The following EBF2 variants were observed in gnomAD, a reference collection of about 807,000 sequenced individuals.
The protein encoded by EBF2 is EBF transcription factor 2, also known as transcription factor COE2.
EBF2 carries 21 observed loss-of-function variants against 72.8 expected under a neutral mutation model. The observed-to-expected ratio is 0.29, with a 90% CI of 0.20 to 0.42. The LOEUF is 0.42. EBF2 is among the 10% of genes least tolerant of loss of function. EBF2 has a pLI of 1.00. For missense variants in EBF2, 637 were observed against 731.2 expected (o/e 0.87, Z 1.49); for synonymous variants, 299 against 274.2 (o/e 1.09, Z -0.89).
rs188295597 is a variant in EBF2, at chr8:26,038,219, G to C, written c.482+1809C>G. Among the ~76,000 whole-genome samples, 254 of 152,316 alleles carry C rather than the reference G, an allele frequency of 1.7e-3. 3 individuals carry two copies. Among genetic ancestry groups the C allele is most frequent in the African/African-American group, 5.8e-3 (242 of 41,574 alleles). On this transcript the variant is annotated intron_variant, in intron 5 of 15. Coordinates refer to ENST00000520164, the MANE Select transcript of EBF2 (RefSeq NM_022659.4). ...TGCTGCAGACAGTATCCATCCAATG[G>C]ATCATTTATTTACACATAATTAATA...
At chr8:25,974,394 CTG>C (rs1804235047) in intron 6 of EBF2, among the ~76,000 whole-genome samples, 1 of 152,220 alleles carries the variant, frequency 6.6e-6, no homozygotes, top group Non-Finnish European at 1.5e-5. Context: ...TCCAAGTACA[CTG>C]TATCTCCTTG....
At chr8:25,912,956 G>A (rs902770886) in intron 6 of EBF2, among the ~76,000 whole-genome samples, 7 of 152,128 alleles carry the variant, frequency 4.6e-5, no homozygotes, top group Admixed American at 6.5e-5. Flanking sequence ...TTAAGGTTCC[G>A]TGGTGGGGAC....
intron 4 of EBF2, 79 bp downstream of exon 4, chr8:26,040,537 G>C: frequency 7.4e-7 from 1 of 1,353,310 alleles, no homozygotes; most frequent in Admixed American, 2.1e-5. Context: ...TGGAGGAGGG[G>C]CAGGTCAGAA....
At chr8:25,935,600 A>G (rs1248748394) in intron 6 of EBF2, among the ~76,000 whole-genome samples, 6 of 152,102 alleles carry the variant, frequency 3.9e-5, no homozygotes, top group Non-Finnish European at 5.9e-5. Context: ...TTGTTTCTCA[A>G]TGACAAGGGT....
At chr8:25,894,640 C>A (rs1305411033) in intron 7 of EBF2, among the ~76,000 whole-genome samples, 1 of 152,192 alleles carries the variant, frequency 6.6e-6, no homozygotes, top group Non-Finnish European at 1.5e-5. Context: ...GGGTCAGGCA[C>A]AGTTAGACTC....
At chr8:25,952,480 G>C (rs1803878940) in intron 6 of EBF2, among the ~76,000 whole-genome samples, 1 of 152,126 alleles carries the variant, frequency 6.6e-6, no homozygotes, top group African/African-American at 2.4e-5. Flanking sequence ...ATCCAGAACT[G>C]TCCAGGGTGA....
chr8:25,881,046 C>A (rs1475135749), intron 10 of EBF2, among the ~76,000 whole-genome samples: 2 of 152,166 alleles, frequency 1.3e-5, no homozygotes, highest in African/African-American at 4.8e-5. Context: ...CTGCCTGTCC[C>A]CACCACCAGC....
In EBF2 at chr8:25,916,527, G is replaced by A. The variant is rs2117129516; in HGVS notation, c.552-7972C>T. 2.0e-5 allele frequency among the ~76,000 whole-genome samples: 3 copies of A among 152,052 alleles called. No homozygotes were observed. In the Middle Eastern group the frequency reaches 0.01, roughly 517 times the overall value. ...CCATTTTCCAGACAAAATTATTCCA[G>A]AAGGAGCTGTCACGAATTTAAATCT... is the stretch of plus-strand genomic sequence containing the variant. On this transcript the variant is annotated intron_variant, in intron 6 of 15. Transcript: ENST00000520164.
At chr8:26,009,933 C>T (rs1053222643) in intron 6 of EBF2, among the ~76,000 whole-genome samples, 2 of 152,144 alleles carry the variant, frequency 1.3e-5, no homozygotes, top group African/African-American at 2.4e-5. Context: ...TTTCACTGGA[C>T]GCCCTCCACT....
At chr8:25,914,500 A>G (rs1803179199) in intron 6 of EBF2, among the ~76,000 whole-genome samples, 1 of 152,160 alleles carries the variant, frequency 6.6e-6, no homozygotes. Context: ...AGATCTTGTG[A>G]AGACTCTGAC....
chr8:25,938,287 T>C (rs1210202804), intron 6 of EBF2, among the ~76,000 whole-genome samples: 1 of 152,074 alleles, frequency 6.6e-6, no homozygotes, highest in Non-Finnish European at 1.5e-5. Context: ...TCAATGCATC[T>C]TGAGGTATTA....
chr8:25,935,091 AT>A (rs888800831), intron 6 of EBF2, among the ~76,000 whole-genome samples: 15 of 152,054 alleles, frequency 9.9e-5, no homozygotes, highest in African/African-American at 2.4e-4. Flanking sequence ...TAACCCAGAA[AT>A]TTTTTTTAAG....
chr8:26,023,605 A>G (rs1805238104), intron 6 of EBF2, among the ~76,000 whole-genome samples: 1 of 152,148 alleles, frequency 6.6e-6, no homozygotes, highest in Non-Finnish European at 1.5e-5. Flanking sequence ...AATGGTTTGG[A>G]TTCTGGCCTG....
intron 6 of EBF2, among the ~76,000 whole-genome samples, chr8:26,010,100 A>T (rs774383100): frequency 7.9e-5 from 12 of 152,226 alleles, no homozygotes; most frequent in Non-Finnish European, 1.6e-4. Flanking sequence ...GAACAGAAAG[A>T]AAAGGAGCCT....
At chr8:25,870,088 G>A (rs757779071) in intron 10 of EBF2, among the ~76,000 whole-genome samples, 1 of 152,170 alleles carries the variant, frequency 6.6e-6, no homozygotes, top group Non-Finnish European at 1.5e-5. Flanking sequence ...AGCTACAGAT[G>A]CAAAAGCATG....
chr8:26,036,344 A>G (rs1052482820), intron 5 of EBF2, among the ~76,000 whole-genome samples: 1 of 152,228 alleles, frequency 6.6e-6, no homozygotes, highest in South Asian at 2.1e-4. Context: ...TTTAGGATCC[A>G]ATCCTCCATT....
intron 13 of EBF2, among the ~76,000 whole-genome samples, chr8:25,859,298 T>C (rs1320226233): frequency 1.3e-5 from 2 of 152,230 alleles, no homozygotes; most frequent in African/African-American, 4.8e-5. Flanking sequence ...TGCCATAGCA[T>C]CTTTTGGCGG....
At chr8:25,909,784 G>A (rs560421914) in intron 6 of EBF2, among the ~76,000 whole-genome samples, 11 of 152,194 alleles carry the variant, frequency 7.2e-5, no homozygotes, top group Non-Finnish European at 1.5e-4. Flanking sequence ...TGATAAAGGA[G>A]GAGAGAAGGG....
At chr8:26,033,005 C>T in intron 6 of EBF2, 80 bp downstream of exon 6, 3 of 1,336,754 alleles carry the variant, frequency 2.2e-6, no homozygotes, top group South Asian at 1.2e-5. Context: ...GACAGCAAAG[C>T]TCCATGGATC....
Sources: gnomAD v4.1 joint callset for allele counts (sites outside exome capture counted in the v4.1 genomes callset) on GRCh38, gnomAD v4.1.1 for gene constraint, MANE v1.5 for transcripts, NCBI Gene and HGNC (gene_info 2026-07-23, HGNC 2026-07-21) for gene names.